The following ADGRL1 variants were observed in gnomAD, a reference collection of about 807,000 sequenced individuals.
The protein encoded by ADGRL1 is adhesion G protein-coupled receptor L1, also known as CIRL-1.
In ADGRL1, 31 loss-of-function variants were observed where a neutral mutation model predicts 148.9. The observed-to-expected ratio is 0.21, with a 90% confidence interval of 0.16 to 0.28. The LOEUF is 0.28. ADGRL1 is among the 10% of genes least tolerant of loss of function. ADGRL1 has a pLI of 1.00. For missense variants in ADGRL1, 1,521 were observed against 2,058.8 expected (o/e 0.74, Z 5.05); for synonymous variants, 937 against 900.3 (o/e 1.04, Z -0.73).
Position 14,161,629 on chromosome 19 carries a change from G to C in ADGRL1, c.1196-3C>G. On this transcript the variant is annotated splice_polypyrimidine_tract_variant and splice_region_variant and intron_variant, in intron 5 of 22. Transcript: ENST00000361434. This position sits in a 1 kb window ranked among gnomAD's most constrained non-coding sequence, Gnocchi z 4.4. Reference sequence around the variant, plus strand: ...GAGGGGTGGGGAAGTGGCTGGGCCTGGAGAGGGGATACGAGACAGGGTCAT... The same window carrying C: ...GAGGGGTGGGGAAGTGGCTGGGCCTCGAGAGGGGATACGAGACAGGGTCAT... The C allele has an allele frequency of 7.1e-7, 1 of 1,405,820 alleles. No homozygotes were observed. Among genetic ancestry groups the C allele is most frequent in the Non-Finnish European group, 9.2e-7 (1 of 1,085,250 alleles). 87.1% of individuals were successfully genotyped at this position (1,405,820 alleles called of 1,614,324 possible).
chr19:14,181,562 T>C (rs753740720), intron 2 of ADGRL1, among the ~76,000 whole-genome samples: 2 of 151,666 alleles, frequency 1.3e-5, no homozygotes, highest in African/African-American at 2.4e-5. Context: ...CTACTAAAAA[T>C]ACAAAAAATT....
intron 2 of ADGRL1, among the ~76,000 whole-genome samples, chr19:14,179,172 A>G (rs1971019476): frequency 6.6e-6 from 1 of 151,584 alleles, no homozygotes; most frequent in African/African-American, 2.4e-5. Flanking sequence ...TGACAGAGTG[A>G]CATTCCATCT....
chr19:14,175,391 C>T (rs1285124132), intron 3 of ADGRL1, among the ~76,000 whole-genome samples: 1 of 151,766 alleles, frequency 6.6e-6, no homozygotes, highest in Admixed American at 6.6e-5. Flanking sequence ...CCACCCACCC[C>T]CACACACGTG....
intron 1 of ADGRL1, among the ~76,000 whole-genome samples, chr19:14,198,455 C>T (rs1252728100): frequency 6.6e-6 from 1 of 152,180 alleles, no homozygotes; most frequent in Non-Finnish European, 1.5e-5. Flanking sequence ...TTCTGGCCCC[C>T]ACCTTGCTGG....
intron 4 of ADGRL1, 23 bp from the exon 5 acceptor site, chr19:14,163,429 G>A (rs1969612510): frequency 6.7e-7 from 1 of 1,501,350 alleles, no homozygotes; most frequent in Non-Finnish European, 8.9e-7. Flanking sequence ...GGCGGGAGGG[G>A]AGGAGGTAGG....
intron 4 of ADGRL1, 97 bp from the exon 5 acceptor site, chr19:14,163,503 G>C (rs915324043): frequency 1.6e-5 from 13 of 810,256 alleles, no homozygotes; most frequent in Admixed American, 3.0e-5. Context: ...AGAGAGGGGG[G>C]AGAGAGGCAA....
Position 14,159,977 on chromosome 19 carries a change from A to AG in ADGRL1, c.1800+134dup, listed in dbSNP as rs137926219. 336 of 1,042,926 alleles carry AG rather than the reference A, an allele frequency of 3.2e-4. No homozygotes were observed. The highest frequency in any genetic ancestry group is 2.0e-3 in the Middle Eastern group (7 of 3,516). 64.6% of individuals were successfully genotyped at this position (1,042,926 alleles called of 1,614,324 possible). ...TGAGACCCGGCAGTCCTTGGCGGAG[A>AG]GGGGGGGGTCCTTCCTCTCTGAGGA... On this transcript the variant is annotated intron_variant, in intron 8 of 22. Coordinates refer to ENST00000361434, the MANE Select transcript of ADGRL1 (RefSeq NM_014921.5). This position sits in a 1 kb window ranked among gnomAD's most constrained non-coding sequence, Gnocchi z 6.0.
At chr19:14,165,034 C>T (rs549449573) in intron 4 of ADGRL1, among the ~76,000 whole-genome samples, 2 of 152,304 alleles carry the variant, frequency 1.3e-5, no homozygotes, top group South Asian at 2.1e-4. Context: ...GACCTGGCAC[C>T]GGCTTGGGGG....
intron 1 of ADGRL1, among the ~76,000 whole-genome samples, chr19:14,198,190 C>T (rs1394914470): frequency 6.6e-6 from 1 of 151,900 alleles, no homozygotes; most frequent in African/African-American, 2.4e-5. Context: ...GTCACAGAGG[C>T]CATACAGGGC....
chr19:14,181,013 A>C (rs937706159), intron 2 of ADGRL1, among the ~76,000 whole-genome samples: 2 of 152,104 alleles, frequency 1.3e-5, no homozygotes, highest in African/African-American at 4.8e-5. Flanking sequence ...ACACCACTGC[A>C]CTCCAGCCTG....
At chr19:14,173,877 C>T (rs538643441) in intron 3 of ADGRL1, among the ~76,000 whole-genome samples, 77 of 135,486 alleles carry the variant, frequency 5.7e-4, no homozygotes, top group East Asian at 9.2e-4. Flanking sequence ...AACCGGAAAG[C>T]GGAGGTTGCA....
Position 14,162,675 on chromosome 19 carries a change from G to A in ADGRL1, c.1126C>T (p.Leu376=). 6.2e-7 allele frequency: 1 copy of A among 1,614,112 alleles called. No homozygotes were observed. The part of the protein sequence containing the change: ...SVDYNPRDNQ[L]YVWNNYFVVR... ...ACGAAATAGTTGTTCCAGACGTACA[G>A]CTGGTTGTCGCGAGGGTTGTAGTCA... Residue 376 remains leucine (L), a synonymous_variant, in exon 5 of 23, where the codon CTG becomes TTG. Coordinates refer to ENST00000361434, the MANE Select transcript of ADGRL1 (RefSeq NM_014921.5). This position sits in a 1 kb window ranked among gnomAD's most constrained non-coding sequence, Gnocchi z 5.4.
At chr19:14,158,315 G>C (rs377000108) in intron 12 of ADGRL1, 23 bp downstream of exon 12, 2 of 1,599,366 alleles carry the variant, frequency 1.3e-6, no homozygotes, top group African/African-American at 2.7e-5. Context: ...CCCCCATGGA[G>C]GGAGGGGGAC....
At chr19:14,187,567 TC>T (rs111481851) in intron 1 of ADGRL1, among the ~76,000 whole-genome samples, 29,386 of 125,676 alleles carry the variant, frequency 0.23, 3,812 homozygotes, top group Middle Eastern at 0.35. Flanking sequence ...CTTCAGTAAA[TC>T]CCCCCCAGCT....
intron 1 of ADGRL1, among the ~76,000 whole-genome samples, chr19:14,186,915 TG>T (rs1469216801): frequency 2.6e-5 from 4 of 152,246 alleles, no homozygotes; most frequent in Non-Finnish European, 5.9e-5. Context: ...CCTGACCCCC[TG>T]CAAACAAAAC....
chr19:14,184,321 TG>T (rs987400998), intron 1 of ADGRL1, among the ~76,000 whole-genome samples: 1 of 151,148 alleles, frequency 6.6e-6, no homozygotes, highest in South Asian at 2.1e-4. Flanking sequence ...CCTCCCCCTC[TG>T]GGGGGGCCAG....
At chr19:14,154,723 C>T (rs1313956088) in intron 18 of ADGRL1, among the ~76,000 whole-genome samples, 1 of 152,078 alleles carries the variant, frequency 6.6e-6, no homozygotes, top group Non-Finnish European at 1.5e-5. Flanking sequence ...TCTCCTGCCT[C>T]AGCCCCTCAG....
At position 14,206,039 on chromosome 19, in the gene ADGRL1, A is replaced by C. The variant is rs1972987527; in HGVS notation, c.-150T>G. The C allele has an allele frequency of 6.6e-6, 1 of 150,758 alleles. No homozygotes were observed. Among genetic ancestry groups the C allele is most frequent in the Non-Finnish European group, 1.5e-5 (1 of 67,706 alleles). The allele number at this position is 150,758 out of a possible 1,614,324, so 9.3% of individuals were successfully genotyped here. A position where few individuals can be genotyped will look rare whatever the true frequency, so the allele number is the denominator to read the frequency against. On this transcript the variant is annotated 5_prime_UTR_variant, in exon 1 of 23. Coordinates refer to ENST00000361434, the MANE Select transcript of ADGRL1 (RefSeq NM_014921.5). ...GCGTGTCTCTCCTGCGGCTCGGCGA[A>C]CCCGGGCCCCCCGCCCGGCACATCT...
At position 14,159,591 on chromosome 19, in the gene ADGRL1, A is replaced by G. The variant is rs752338355; in HGVS notation, c.1840-7T>C. 1.3e-6 allele frequency: 2 copies of G among 1,594,204 alleles called. No homozygotes were observed. The highest frequency in any genetic ancestry group is 1.1e-5 in the South Asian group (1 of 89,816). On this transcript the variant is annotated splice_region_variant and splice_polypyrimidine_tract_variant and intron_variant, in intron 9 of 22. Coordinates refer to ENST00000361434, the MANE Select transcript of ADGRL1 (RefSeq NM_014921.5). This position sits in a 1 kb window ranked among gnomAD's most constrained non-coding sequence, Gnocchi z 6.0. ...CCACTGTCTCCACCACGGCCTGCACAGGCAGAGGGCATGGTGCTGTGAGCC... is the reference window on the plus strand; with the variant it reads ...CCACTGTCTCCACCACGGCCTGCACGGGCAGAGGGCATGGTGCTGTGAGCC...
Sources: allele counts gnomAD v4.1 joint callset (sites outside exome capture counted in the v4.1 genomes callset), GRCh38; gene constraint gnomAD v4.1.1; non-coding constraint Gnocchi (gnomAD v3.1); transcripts MANE v1.5; gene names NCBI Gene and HGNC (gene_info 2026-07-23, HGNC 2026-07-21).